The following GAB2 variants were observed in gnomAD, a reference collection of about 807,000 sequenced individuals.
The protein encoded by GAB2 is GRB2-associated-binding protein 2.
A neutral mutation model predicts 65.5 loss-of-function variants in GAB2; 26 were observed. The ratio of observed to expected loss-of-function variants is 0.40; its 90% CI spans 0.29 to 0.55. The LOEUF (loss-of-function observed/expected upper bound fraction) is 0.55. Among genes scored for constraint, GAB2 ranks in the 20% least tolerant of loss-of-function variants. GAB2 has a pLI of 0.53. For missense variants in GAB2, 884 were observed against 875.8 expected, an observed-to-expected ratio of 1.01 and a Z score of -0.12; for synonymous variants, 321 against 329.6, an observed-to-expected ratio of 0.97 and a Z score of 0.28.
chr11:78,226,406 T>C (rs1864651564), intron 4 of GAB2, 59 bp downstream of exon 4: 4 of 1,341,332 alleles, frequency 3.0e-6, no homozygotes, highest in Middle Eastern at 1.8e-4. Flanking sequence ...CATCAAACTA[T>C]TGAGAACCCC....
rs1025513663 is a variant in GAB2, at chr11:78,408,856, G to A, written c.75+8790C>T. Among the ~76,000 whole-genome samples, 5 of 152,128 alleles carry A rather than the reference G, an allele frequency of 3.3e-5. No homozygotes were observed. The South Asian group carries it at 6.2e-4, about 19-fold the overall frequency. ...TGTGCCTGCTTCTCCCTCACCTTCC[G>A]CCATGACTGTAAGTTTCCTGAGGCC... is the stretch of plus-strand genomic sequence containing the variant. On this transcript the variant is annotated intron_variant, in intron 1 of 9. Transcript: ENST00000361507.
In GAB2 at chr11:78,358,602, T is replaced by A. The variant is rs116731461; in HGVS notation, c.75+59044A>T. Among the ~76,000 whole-genome samples the A allele has an allele frequency of 8.7e-3, 1,324 of 151,878 alleles. 20 individuals carry two copies. Among genetic ancestry groups the A allele is most frequent in the African/African-American group, 0.03 (1,258 of 41,456 alleles). Reference sequence around the variant, plus strand: ...GTGAAGATCTAAAAGTAGTCCAGGATTAATAATGTCCTGAGGCTACTGGAG... The same window carrying A: ...GTGAAGATCTAAAAGTAGTCCAGGAATAATAATGTCCTGAGGCTACTGGAG... On this transcript the variant is annotated intron_variant, in intron 1 of 9. Coordinates refer to ENST00000361507, the MANE Select transcript of GAB2 (RefSeq NM_080491.3).
chr11:78,285,578 G>T (rs571656872), intron 1 of GAB2, among the ~76,000 whole-genome samples: 134 of 152,256 alleles, frequency 8.8e-4, no homozygotes, highest in African/African-American at 3.2e-3. Context: ...CGATTCTCCC[G>T]CCTCCGCCTC....
chr11:78,382,014 G>A (rs531323806), intron 1 of GAB2, among the ~76,000 whole-genome samples: 1 of 152,322 alleles, frequency 6.6e-6, no homozygotes, highest in South Asian at 2.1e-4. Flanking sequence ...TCATTCCAGC[G>A]TGTCAGTAAC....
At chr11:78,256,831 A>G (rs571623657) in intron 2 of GAB2, among the ~76,000 whole-genome samples, 1 of 152,270 alleles carries the variant, frequency 6.6e-6, no homozygotes, top group East Asian at 1.9e-4. Flanking sequence ...GGAAGATATT[A>G]AACAATGTGT....
chr11:78,242,852 G>A (rs1224488036), intron 3 of GAB2, among the ~76,000 whole-genome samples: 8 of 152,016 alleles, frequency 5.3e-5, no homozygotes, highest in Non-Finnish European at 1.2e-4. Context: ...AAGAAAAAAC[G>A]GGAAAAGATC....
At chr11:78,352,840 C>A (rs1362394409) in intron 1 of GAB2, among the ~76,000 whole-genome samples, 1 of 152,136 alleles carries the variant, frequency 6.6e-6, no homozygotes, top group Non-Finnish European at 1.5e-5. Context: ...ATATCAAAGT[C>A]CTTGTGATTT....
intron 1 of GAB2, among the ~76,000 whole-genome samples, chr11:78,389,169 G>A (rs534098667): frequency 6.6e-6 from 1 of 152,272 alleles, no homozygotes; most frequent in South Asian, 2.1e-4. Flanking sequence ...CCAAGATAGA[G>A]TCTCAATCAA....
At chr11:78,263,071 A>C (rs1364619610) in intron 2 of GAB2, among the ~76,000 whole-genome samples, 2 of 152,202 alleles carry the variant, frequency 1.3e-5, no homozygotes, top group Non-Finnish European at 2.9e-5. Context: ...CCTTAGACTA[A>C]AAGTTCTCAC....
At chr11:78,371,668 T>C (rs1356872045) in intron 1 of GAB2, among the ~76,000 whole-genome samples, 5 of 152,252 alleles carry the variant, frequency 3.3e-5, no homozygotes, top group African/African-American at 9.6e-5. Context: ...TTCATGCTTA[T>C]AGCTGGGGCT....
chr11:78,403,734 G>C (rs1279640058), intron 1 of GAB2, among the ~76,000 whole-genome samples: 1 of 152,194 alleles, frequency 6.6e-6, no homozygotes, highest in Non-Finnish European at 1.5e-5. Context: ...AAAACGGACA[G>C]AAGGGATCAC....
At chr11:78,395,451 C>G (rs1856884713) in intron 1 of GAB2, among the ~76,000 whole-genome samples, 1 of 152,224 alleles carries the variant, frequency 6.6e-6, no homozygotes, top group African/African-American at 2.4e-5. Flanking sequence ...GTCTCCATCT[C>G]AAAAACAAAC....
chr11:78,339,932 T>C lies in GAB2; in HGVS notation c.76-59031A>G, dbSNP rs1277259368. 1.6e-4 allele frequency among the ~76,000 whole-genome samples: 24 copies of C among 152,358 alleles called. No individual in the cohort carries two copies. The East Asian group carries it at 4.2e-3, about 27-fold the overall frequency. On this transcript the variant is annotated intron_variant, in intron 1 of 9. Transcript: ENST00000361507. The stretch of plus-strand genomic sequence containing the variant: ...TACAAATGTGAACAATCAGCTCCAA[T>C]GAATGAATCCTTCCAGCTTTATGGC...
At chr11:78,376,638 C>T (rs568533599) in intron 1 of GAB2, among the ~76,000 whole-genome samples, 177 of 152,256 alleles carry the variant, frequency 1.2e-3, no homozygotes, top group African/African-American at 4.0e-3. Flanking sequence ...CCTTTGTTTA[C>T]TGTAGGATAA....
In GAB2 at chr11:78,233,362, CAGCAGAGGTAA is replaced by C. The variant is rs577515893; in HGVS notation, c.621-6322_621-6312del. 1.6e-4 allele frequency among the ~76,000 whole-genome samples: 25 copies of C among 152,266 alleles called. No homozygotes were observed. The South Asian group carries it at 5.2e-3, about 32-fold the overall frequency. On this transcript the variant is annotated intron_variant, in intron 3 of 9. Transcript: ENST00000361507. ...TTAGCCATTTTTATTTTAGCCCTTCCAGCAGAGGTAAAGCAGAATCTCACTGAGATTTTAAT... is the reference window on the plus strand; with the variant it reads ...TTAGCCATTTTTATTTTAGCCCTTCCAGCAGAATCTCACTGAGATTTTAAT...
chr11:78,405,093 T>C, intron 1 of GAB2, among the ~76,000 whole-genome samples: 1 of 70,210 alleles, frequency 1.4e-5, no homozygotes, highest in South Asian at 5.0e-4. Context: ...AAACATGGAT[T>C]TTTTTTTTTT....
intron 1 of GAB2, among the ~76,000 whole-genome samples, chr11:78,336,843 C>A (rs1856011416): frequency 6.6e-6 from 1 of 151,998 alleles, no homozygotes; most frequent in South Asian, 2.1e-4. Context: ...GTTATCTGTG[C>A]AATTAGAAAC....
At chr11:78,331,782 G>A (rs758158274) in intron 1 of GAB2, among the ~76,000 whole-genome samples, 8 of 152,076 alleles carry the variant, frequency 5.3e-5, no homozygotes, top group Non-Finnish European at 1.2e-4. Context: ...AATAGACCAA[G>A]GGGATTGGAA....
chr11:78,239,956 T>C (rs1056279609), intron 3 of GAB2, among the ~76,000 whole-genome samples: 11 of 152,050 alleles, frequency 7.2e-5, no homozygotes, highest in African/African-American at 2.2e-4. Flanking sequence ...GGCTGAGCCA[T>C]TGCTAGCCCA....
Sources: gnomAD v4.1 joint callset for allele counts (sites outside exome capture counted in the v4.1 genomes callset) on GRCh38, gnomAD v4.1.1 for gene constraint, MANE v1.5 for transcripts, NCBI Gene and HGNC (gene_info 2026-07-23, HGNC 2026-07-21) for gene names.